Variants in ZFYVE9 observed in about 807,000 individuals in gnomAD.
ZFYVE9 encodes zinc finger FYVE domain-containing protein 9.
In ZFYVE9, 43 loss-of-function variants were observed where a neutral mutation model predicts 126.7. The ratio of observed to expected loss-of-function variants is 0.34; its 90% CI spans 0.27 to 0.44. The LOEUF (loss-of-function observed/expected upper bound fraction) is 0.44, where lower values mean the gene tolerates loss of function less well. Among genes scored for constraint, ZFYVE9 ranks in the 20% least tolerant of loss-of-function variants. The probability of loss-of-function intolerance (pLI) is 1.00; values close to 1 mark genes in which losing one functional copy is unlikely to be tolerated. For missense variants in ZFYVE9, 1,476 were observed against 1,697.0 expected, an observed-to-expected ratio of 0.87 and a Z score of 2.29; for synonymous variants, 521 against 597.4, an observed-to-expected ratio of 0.87 and a Z score of 1.87.
chr1:52,198,110 G>GTTTTTTTTTTT (rs1329262004), intron 1 of ZFYVE9, among the ~76,000 whole-genome samples: 8 of 40,036 alleles, frequency 2.0e-4, no homozygotes, highest in Admixed American at 4.4e-4. Flanking sequence ...ATATTGTAGT[G>GTTTTTTTTTTT]TTTTTTTTTG....
intron 4 of ZFYVE9, among the ~76,000 whole-genome samples, chr1:52,261,525 G>T (rs1342810541): frequency 6.6e-6 from 1 of 152,170 alleles, no homozygotes; most frequent in Admixed American, 6.5e-5. Context: ...TTGGTGCCCA[G>T]TACATAGTAA....
intron 1 of ZFYVE9, among the ~76,000 whole-genome samples, chr1:52,147,813 T>G (rs1572054948): frequency 6.6e-6 from 1 of 152,334 alleles, no homozygotes; most frequent in East Asian, 1.9e-4. Context: ...TAGCTGCACC[T>G]TTTTACAATC....
At chr1:52,216,497 C>CT (rs2124595188) in intron 2 of ZFYVE9, 23 bp downstream of exon 2, 1 of 398,252 alleles carries the variant, frequency 2.5e-6, no homozygotes, top group East Asian at 3.6e-5. Context: ...TTTTATTTCT[C>CT]TTAGAGATTG....
chr1:52,152,790 TAAAC>T (rs1348822377), intron 1 of ZFYVE9, among the ~76,000 whole-genome samples: 1 of 152,194 alleles, frequency 6.6e-6, no homozygotes, highest in Non-Finnish European at 1.5e-5. Flanking sequence ...GTGGGTTAAA[TAAAC>T]AGATACATGT....
rs1645306784 is a variant in ZFYVE9 at position 52,239,049 on chromosome 1, A to T, written c.1632A>T (p.Lys544Asn). 1 of 1,614,012 alleles carries T rather than the reference A, an allele frequency of 6.2e-7. No individual in the cohort carries two copies. Among genetic ancestry groups the T allele is most frequent in the Non-Finnish European group, 8.5e-7 (1 of 1,180,004 alleles). ...ACAGCACTGGTGACCTAATGAAGAA[A>T]AATTATTTACATAATTTCTGTAGTC... ...LLNSTGDLMK[K>N]NYLHNFCSQV... Residue 544 changes from lysine to asparagine, a missense_variant, in exon 4 of 19, where the codon AAA becomes AAT. This residue lies in a region of ZFYVE9 where 807 missense variants were observed against 794.6 expected (regional missense o/e 1.02). Coordinates refer to ENST00000287727, the MANE Select transcript of ZFYVE9 (RefSeq NM_004799.4).
intron 1 of ZFYVE9, among the ~76,000 whole-genome samples, chr1:52,177,434 C>G (rs1439040608): frequency 6.6e-6 from 1 of 152,224 alleles, no homozygotes; most frequent in Non-Finnish European, 1.5e-5. Context: ...GCGTGAGCCA[C>G]TGCACCTGGC....
At chr1:52,173,255 A>G (rs1210148177) in intron 1 of ZFYVE9, among the ~76,000 whole-genome samples, 2 of 152,174 alleles carry the variant, frequency 1.3e-5, no homozygotes, top group African/African-American at 4.8e-5. Context: ...ATCTACTGAG[A>G]TAATCATGTG....
chr1:52,147,280 A>C (rs1644314279), intron 1 of ZFYVE9, among the ~76,000 whole-genome samples: 1 of 152,226 alleles, frequency 6.6e-6, no homozygotes, highest in Admixed American at 6.5e-5. Context: ...CATTTACGGA[A>C]CTGGAAAAGT....
At position 52,142,912 on chromosome 1, in the gene ZFYVE9, C is replaced by T. The variant is rs530466268; in HGVS notation, c.-143+509C>T. Among the ~76,000 whole-genome samples, 10 of 152,246 alleles carry T rather than the reference C, an allele frequency of 6.6e-5. No individual in the cohort carries two copies. The highest frequency in any genetic ancestry group is 2.0e-4 in the Admixed American group (3 of 15,298). On this transcript the variant is annotated intron_variant, in intron 1 of 18. Transcript: ENST00000287727. This position sits in a 1 kb window ranked among gnomAD's most constrained non-coding sequence, Gnocchi z 4.5. The stretch of plus-strand genomic sequence containing the variant: ...GGGACCAAGAGAGCCCCTGCTACTC[C>T]TGGAGTGTCATTCATGGATCTGGCT...
Position 52,258,467 on chromosome 1 carries a change from G to A in ZFYVE9, c.2179-5306G>A, listed in dbSNP as rs74810656. 4.2e-3 allele frequency among the ~76,000 whole-genome samples: 597 copies of A among 141,910 alleles called. 6 individuals are homozygous for A. Among genetic ancestry groups the A allele is most frequent in the Non-Finnish European group, 6.3e-3 (402 of 63,570 alleles). The allele number at this position is 141,910 out of a possible 152,430, so 93.1% of individuals were successfully genotyped here. A position where few individuals can be genotyped will look rare whatever the true frequency, so the allele number is the denominator to read the frequency against. ...GCATACCAAGACTGCTAAACATCTT[G>A]CTATGCCCAGGACAGTACTGTCCTA... On this transcript the variant is annotated intron_variant, in intron 4 of 18. Coordinates refer to ENST00000287727, the MANE Select transcript of ZFYVE9 (RefSeq NM_004799.4).
intron 12 of ZFYVE9, among the ~76,000 whole-genome samples, chr1:52,296,946 A>T (rs572976704): frequency 6.6e-6 from 1 of 152,080 alleles, no homozygotes; most frequent in Admixed American, 6.6e-5. Flanking sequence ...AGCTGTGACT[A>T]TGGGAGCACA....
At chr1:52,197,756 T>C (rs1355652299) in intron 1 of ZFYVE9, among the ~76,000 whole-genome samples, 4 of 152,200 alleles carry the variant, frequency 2.6e-5, no homozygotes, top group Non-Finnish European at 5.9e-5. Context: ...AATATGGAAG[T>C]TATCAGTGAC....
intron 13 of ZFYVE9, among the ~76,000 whole-genome samples, chr1:52,321,916 ATCTTATCCAGT>A (rs1569753251): frequency 6.6e-6 from 1 of 152,170 alleles, no homozygotes; most frequent in East Asian, 1.9e-4. Context: ...TTCCTTGGTA[ATCTTATCCAGT>A]TCTATGGGCT....
chr1:52,288,969 TTGAAA>T (rs1316239494), intron 10 of ZFYVE9, among the ~76,000 whole-genome samples: 1 of 151,528 alleles, frequency 6.6e-6, no homozygotes, highest in African/African-American at 2.4e-5. Context: ...TTAGTATTTC[TTGAAA>T]TGAATGAACC....
intron 4 of ZFYVE9, among the ~76,000 whole-genome samples, chr1:52,257,635 G>A (rs1422328491): frequency 6.6e-6 from 1 of 152,156 alleles, no homozygotes; most frequent in Non-Finnish European, 1.5e-5. Context: ...AAGTTGAATG[G>A]CTCTAGATTA....
intron 4 of ZFYVE9, among the ~76,000 whole-genome samples, chr1:52,246,605 C>T (rs1374075290): frequency 1.3e-5 from 2 of 149,026 alleles, no homozygotes; most frequent in South Asian, 4.2e-4. Context: ...GATGGTGGCT[C>T]ACTGCAACCT....
intron 2 of ZFYVE9, among the ~76,000 whole-genome samples, chr1:52,221,124 G>A (rs1645120994): frequency 6.6e-6 from 1 of 152,214 alleles, no homozygotes; most frequent in Non-Finnish European, 1.5e-5. Context: ...TCTTGATTCT[G>A]CAGGGATTTT....
At chr1:52,293,862 G>A (rs1042511615) in intron 11 of ZFYVE9, among the ~76,000 whole-genome samples, 185 bp downstream of exon 11, 2 of 152,162 alleles carry the variant, frequency 1.3e-5, no homozygotes, top group African/African-American at 4.8e-5. Context: ...TGAGGAAGTT[G>A]ATTATGTATT....
chr1:52,253,830 A>G (rs1557482607), intron 4 of ZFYVE9: 2 of 1,490,926 alleles, frequency 1.3e-6, no homozygotes. Flanking sequence ...AATTCAGAAG[A>G]AAAACAACAG....
Sources: gnomAD v4.1 joint callset for allele counts (sites outside exome capture counted in the v4.1 genomes callset) on GRCh38, gnomAD v4.1.1 for gene constraint, gnomAD v4.1.1 regional missense constraint, Gnocchi (gnomAD v3.1) non-coding constraint, MANE v1.5 for transcripts, NCBI Gene and HGNC (gene_info 2026-07-23, HGNC 2026-07-21) for gene names.